ZMAT4: variants seen among roughly 807,000 people sequenced by gnomAD.
ZMAT4 encodes the protein zinc finger matrin-type protein 4.
ZMAT4 carries 17 observed loss-of-function variants against 28.7 expected under a neutral mutation model. The ratio of observed to expected loss-of-function variants is 0.59; its 90% CI spans 0.41 to 0.89. The LOEUF (loss-of-function observed/expected upper bound fraction) is 0.89. Among genes scored for constraint, ZMAT4 ranks in the 40% least tolerant of loss-of-function variants. The probability of loss-of-function intolerance (pLI) is 0.00; values close to 1 mark genes in which losing one functional copy is unlikely to be tolerated. For missense variants in ZMAT4, 240 were observed against 283.8 expected, an observed-to-expected ratio of 0.85 and a Z score of 1.11; for synonymous variants, 117 against 109.2, an observed-to-expected ratio of 1.07 and a Z score of -0.44.
chr8:40,667,162 A>T (rs6991845), intron 5 of ZMAT4, among the ~76,000 whole-genome samples: 22 of 150,148 alleles, frequency 1.5e-4, no homozygotes, highest in African/African-American at 4.7e-4. Context: ...TTTTATTTTT[A>T]TTTTTTTCTT....
chr8:40,847,479 A>C (rs1816949917), intron 1 of ZMAT4, among the ~76,000 whole-genome samples: 1 of 152,172 alleles, frequency 6.6e-6, no homozygotes, highest in Admixed American at 6.5e-5. Flanking sequence ...TTCCCAAAGC[A>C]ACTTAAGCCT....
intron 2 of ZMAT4, among the ~76,000 whole-genome samples, chr8:40,790,792 T>C (rs954335770): frequency 2.0e-5 from 3 of 152,236 alleles, no homozygotes; most frequent in Admixed American, 6.5e-5. Flanking sequence ...GATTCTACAA[T>C]GCATTTGAAC....
chr8:40,704,876 G>A (rs1810286682), intron 3 of ZMAT4, among the ~76,000 whole-genome samples: 1 of 152,206 alleles, frequency 6.6e-6, no homozygotes, highest in African/African-American at 2.4e-5. Context: ...TAACTGCAAT[G>A]ACATGTTATT....
At chr8:40,647,885 T>G (rs2118797824) in intron 5 of ZMAT4, among the ~76,000 whole-genome samples, 1 of 152,208 alleles carries the variant, frequency 6.6e-6, no homozygotes, top group South Asian at 2.1e-4. Context: ...GAAGGAAAAC[T>G]AACAAACAGA....
intron 2 of ZMAT4, among the ~76,000 whole-genome samples, chr8:40,811,113 T>C (rs995230339): frequency 8.5e-5 from 13 of 152,212 alleles, no homozygotes; most frequent in Admixed American, 2.6e-4. Context: ...AGTAATAATA[T>C]ACCTTACGGT....
intron 1 of ZMAT4, among the ~76,000 whole-genome samples, chr8:40,867,803 T>A (rs1207885519): frequency 6.6e-6 from 1 of 152,224 alleles, no homozygotes; most frequent in Non-Finnish European, 1.5e-5. Context: ...TCTTACTCTG[T>A]TATTTTCCCA....
intron 3 of ZMAT4, among the ~76,000 whole-genome samples, chr8:40,717,104 T>C (rs1178441687): frequency 1.3e-5 from 2 of 152,226 alleles, no homozygotes; most frequent in Non-Finnish European, 2.9e-5. Flanking sequence ...AATTTTATCT[T>C]TGATTGCTCA....
intron 1 of ZMAT4, among the ~76,000 whole-genome samples, chr8:40,845,407 T>C (rs1311292790): frequency 6.6e-6 from 1 of 152,218 alleles, no homozygotes; most frequent in Non-Finnish European, 1.5e-5. Flanking sequence ...TTAATGGGTA[T>C]CTCCAGGCAA....
intron 3 of ZMAT4, among the ~76,000 whole-genome samples, chr8:40,706,103 G>A (rs1046534462): frequency 1.3e-5 from 2 of 152,146 alleles, no homozygotes; most frequent in Middle Eastern, 6.8e-3. Context: ...TGTCACCCAG[G>A]CAACAGTGAT....
intron 3 of ZMAT4, among the ~76,000 whole-genome samples, chr8:40,700,258 A>C (rs759808063): frequency 6.6e-6 from 1 of 151,018 alleles, no homozygotes; most frequent in Non-Finnish European, 1.5e-5. Flanking sequence ...AAAAAAAAAC[A>C]TTAATGTAAA....
chr8:40,644,754 C>T (rs1056228621), intron 5 of ZMAT4, among the ~76,000 whole-genome samples: 1 of 152,076 alleles, frequency 6.6e-6, no homozygotes, highest in Non-Finnish European at 1.5e-5. Context: ...TGATCAACAG[C>T]CAGGTGACCA....
intron 1 of ZMAT4, among the ~76,000 whole-genome samples, chr8:40,873,890 G>A (rs912143643): frequency 1.3e-5 from 2 of 152,136 alleles, no homozygotes; most frequent in African/African-American, 2.4e-5. Flanking sequence ...TGGTGAGAGG[G>A]GGTGAGGACC....
intron 1 of ZMAT4, among the ~76,000 whole-genome samples, chr8:40,856,150 C>T (rs1817289649): frequency 6.6e-6 from 1 of 152,206 alleles, no homozygotes; most frequent in Non-Finnish European, 1.5e-5. Flanking sequence ...CATGCGGCTA[C>T]TGATCTCTGC....
Position 40,825,696 on chromosome 8 carries a change from C to T in ZMAT4, c.-4-16G>A. ...CTTCATCAGGCTACAAGAGAATCAA[C>T]AGAAAAGAAAAATGAGTCCACTGCT... On this transcript the variant is annotated splice_polypyrimidine_tract_variant and intron_variant, in intron 1 of 6. Transcript: ENST00000297737. The T allele has an allele frequency of 6.5e-7, 1 of 1,543,056 alleles. No individual in the cohort carries two copies. Among genetic ancestry groups the T allele is most frequent in the Non-Finnish European group, 8.8e-7 (1 of 1,142,688 alleles).
At chr8:40,869,990 A>G (rs962739127) in intron 1 of ZMAT4, among the ~76,000 whole-genome samples, 1 of 152,192 alleles carries the variant, frequency 6.6e-6, no homozygotes, top group Non-Finnish European at 1.5e-5. Context: ...ATATGATAGC[A>G]GGAGACCAGA....
chr8:40,625,481 A>T (rs1285848347), intron 5 of ZMAT4, among the ~76,000 whole-genome samples: 3 of 152,118 alleles, frequency 2.0e-5, no homozygotes, highest in African/African-American at 4.8e-5. Flanking sequence ...TTGCGATAGA[A>T]GTGGTGAAAA....
intron 1 of ZMAT4, among the ~76,000 whole-genome samples, chr8:40,858,031 G>A (rs1817357767): frequency 6.6e-6 from 1 of 152,200 alleles, no homozygotes; most frequent in Non-Finnish European, 1.5e-5. Flanking sequence ...GACCAGAAAG[G>A]GGTGATGGAA....
At chr8:40,662,305 AG>A (rs1487310861) in intron 5 of ZMAT4, among the ~76,000 whole-genome samples, 4 of 152,162 alleles carry the variant, frequency 2.6e-5, no homozygotes, top group African/African-American at 7.2e-5. Context: ...GGATATGAGT[AG>A]GGGTGTTTTG....
At chr8:40,798,091 A>T (rs1448433949) in intron 2 of ZMAT4, among the ~76,000 whole-genome samples, 1 of 152,134 alleles carries the variant, frequency 6.6e-6, no homozygotes, top group Non-Finnish European at 1.5e-5. Context: ...TCGCCAAAGA[A>T]CTGGGTGCAG....
Sources: gnomAD v4.1 joint callset for allele counts (sites outside exome capture counted in the v4.1 genomes callset) on GRCh38, gnomAD v4.1.1 for gene constraint, MANE v1.5 for transcripts, NCBI Gene and HGNC (gene_info 2026-07-23, HGNC 2026-07-21) for gene names.